The following VSIG10 variants were observed in gnomAD, a reference collection of about 807,000 sequenced individuals.
The protein encoded by VSIG10 is V-set and immunoglobulin domain containing 10.
In VSIG10, 48 loss-of-function variants were observed where a neutral mutation model predicts 58.7. The ratio of observed to expected loss-of-function variants is 0.82; its 90% CI spans 0.65 to 1.04. The LOEUF (loss-of-function observed/expected upper bound fraction) is 1.04. Ranked by LOEUF, VSIG10 falls within the 50% of genes least tolerant of loss-of-function variation. The probability of loss-of-function intolerance (pLI) is 0.00; values close to 1 mark genes in which losing one functional copy is unlikely to be tolerated. For synonymous variants in VSIG10, 260 were observed against 267.1 expected (o/e 0.97, Z 0.26); for missense variants, 628 against 670.0 (o/e 0.94, Z 0.69).
chr12:118,103,635 G>T lies in VSIG10; in HGVS notation c.37C>A (p.Leu13Ile). The T allele has an allele frequency of 6.6e-7, 1 of 1,511,754 alleles. No homozygotes were observed. The highest frequency in any genetic ancestry group is 8.8e-7 in the Non-Finnish European group (1 of 1,136,008). 93.6% of individuals were successfully genotyped at this position (1,511,754 alleles called of 1,614,324 possible). Residue 13 changes from leucine to isoleucine, a missense_variant, in exon 1 of 9, where the codon CTC becomes ATC. By Grantham distance (5) the Leu-to-Ile change is conservative (BLOSUM62 2). Transcript: ENST00000359236. ...GCCAGGAGCGCCCCGAGGCAGACGAGGACGCGGGGCTCGGGCGCACTGCCG... is the reference window on the plus strand; with the variant it reads ...GCCAGGAGCGCCCCGAGGCAGACGATGACGCGGGGCTCGGGCGCACTGCCG... ...AGGSAPEPRV[L>I]VCLGALLAGW...
intron 2 of VSIG10, among the ~76,000 whole-genome samples, chr12:118,094,475 C>A (rs936860998): frequency 5.9e-5 from 9 of 151,942 alleles, no homozygotes; most frequent in African/African-American, 2.2e-4. Flanking sequence ...CCTCCACCAC[C>A]CGGGTTTAAC....
At position 118,064,437 on chromosome 12, in the gene VSIG10, G is replaced by GTTAGGGT. The variant is rs1555269791; in HGVS notation, c.*2201_*2202insACCCTAA. The GTTAGGGT allele has an allele frequency of 6.9e-6, 1 of 144,166 alleles. No individual in the cohort carries two copies. Among genetic ancestry groups the GTTAGGGT allele is most frequent in the Non-Finnish European group, 1.5e-5 (1 of 66,184 alleles). The allele number at this position is 144,166 out of a possible 1,614,324, so 8.9% of individuals were successfully genotyped here. A position where few individuals can be genotyped will look rare whatever the true frequency, so the allele number is the denominator to read the frequency against. On this transcript the variant is annotated 3_prime_UTR_variant, in exon 9 of 9. Transcript: ENST00000359236. ...AACATTCTCTGTGTTCCTAGCTAGG[G>GTTAGGGT]TTTTTTTTTTTTTTCACCTCAACAG...
At position 118,071,387 on chromosome 12, in the gene VSIG10, C is replaced by A. The variant is rs945304787; in HGVS notation, c.1302G>T (p.Leu434Phe). The change falls in exon 6 of 9, where the codon TTG (leucine) becomes TTT (phenylalanine). Residue 434 changes from leucine to phenylalanine, a missense_variant. Leu to Phe is a conservative substitution (Grantham distance 22). Coordinates refer to ENST00000359236, the MANE Select transcript of VSIG10 (RefSeq NM_019086.6). ...LGLAIISGLL[L>F]HYSPVFCWKV... ...TCCAGCAGAACACAGGGCTATAATG[C>A]AACAGAAGCCCTGAGATAATGGCCA... The A allele has an allele frequency of 6.2e-7, 1 of 1,613,714 alleles. No homozygotes were observed. The highest frequency in any genetic ancestry group is 1.3e-5 in the African/African-American group (1 of 74,898).
chr12:118,067,155 G>T (rs2032277854), intron 8 of VSIG10, among the ~76,000 whole-genome samples: 1 of 151,952 alleles, frequency 6.6e-6, no homozygotes, highest in South Asian at 2.1e-4. Context: ...CTCCCAAGTA[G>T]CTGGGGCTAC....
chr12:118,074,636 G>A (rs7135218), intron 4 of VSIG10, among the ~76,000 whole-genome samples: 32,620 of 151,640 alleles, frequency 0.22, 3,920 homozygotes, highest in East Asian at 0.52. Context: ...GAGCCACCAC[G>A]CCCACCTAAT....
Position 118,079,428 on chromosome 12 carries a change from C to G in VSIG10, c.843G>C (p.Gln281His), listed in dbSNP as rs1224646817. Reference protein sequence around the residue: ...KLGVEMLSESQLSDGKKFKCV... With the variant: ...KLGVEMLSESHLSDGKKFKCV... ...ACTTGAACTTCTTGCCATCCGACAGCTGGGACTCGCTCAGCATTTCCACCC... is the reference window on the plus strand; with the variant it reads ...ACTTGAACTTCTTGCCATCCGACAGGTGGGACTCGCTCAGCATTTCCACCC... The change falls in exon 4 of 9, where the codon CAG (glutamine) becomes CAC (histidine). Residue 281 changes from glutamine to histidine, a missense_variant. Physicochemically the swap from Gln to His is conservative, Grantham distance 24. Transcript: ENST00000359236. 6.2e-7 allele frequency: 1 copy of G among 1,613,928 alleles called. No individual in the cohort carries two copies. The highest frequency in any genetic ancestry group is 1.3e-5 in the African/African-American group (1 of 74,926).
In VSIG10 at chr12:118,067,951, T is replaced by TA. The variant is rs202187799; in HGVS notation, c.1567+425dup. Among the ~76,000 whole-genome samples, 10 of 151,104 alleles carry TA rather than the reference T, an allele frequency of 6.6e-5. 1 individual carries two copies. In the East Asian group the frequency reaches 1.8e-3, roughly 27 times the overall value. ...AGTTTAGCTATCTTCCCCAGCCTTT[T>TA]AAAAAAACTAAACTCACCCCTTAGA... On this transcript the variant is annotated intron_variant, in intron 8 of 8. Coordinates refer to ENST00000359236, the MANE Select transcript of VSIG10 (RefSeq NM_019086.6).
chr12:118,088,368 A>C (rs2033195115), intron 2 of VSIG10, among the ~76,000 whole-genome samples: 1 of 152,188 alleles, frequency 6.6e-6, no homozygotes, highest in Admixed American at 6.6e-5. Flanking sequence ...TGAGGGCTAC[A>C]TGAGTTTATC....
intron 1 of VSIG10, 115 bp from the exon 2 acceptor site, chr12:118,095,929 T>C (rs2033440352): frequency 1.6e-6 from 2 of 1,287,674 alleles, no homozygotes; most frequent in Non-Finnish European, 2.1e-6. Context: ...TGTTCTTTTT[T>C]TTTTTTTTTT....
chr12:118,073,596 G>T, intron 5 of VSIG10, 103 bp downstream of exon 5: 1 of 1,347,400 alleles, frequency 7.4e-7, no homozygotes, highest in Non-Finnish European at 1.0e-6. Context: ...CTCCCAGTTG[G>T]CAGTGACCCA....
Position 118,065,718 on chromosome 12 carries a change from T to C in VSIG10, c.*921A>G, listed in dbSNP as rs73217917. 0.013 allele frequency: 1,911 copies of C among 152,348 alleles called. 31 individuals carry two copies. Among genetic ancestry groups the C allele is most frequent in the Middle Eastern group, 0.02 (6 of 294 alleles). The allele number at this position is 152,348 out of a possible 1,614,324, so 9.4% of individuals were successfully genotyped here. A position where few individuals can be genotyped will look rare whatever the true frequency, so the allele number is the denominator to read the frequency against. On this transcript the variant is annotated 3_prime_UTR_variant, in exon 9 of 9. Coordinates refer to ENST00000359236, the MANE Select transcript of VSIG10 (RefSeq NM_019086.6). ...GCAGGTGATCTTACAAAGATATTTTTCAATAAATGGATTATGTTTTTCAAT... is the reference window on the plus strand; with the variant it reads ...GCAGGTGATCTTACAAAGATATTTTCCAATAAATGGATTATGTTTTTCAAT...
intron 7 of VSIG10, among the ~76,000 whole-genome samples, chr12:118,069,674 G>A (rs1448940659): frequency 2.6e-5 from 4 of 151,706 alleles, no homozygotes; most frequent in South Asian, 2.1e-4. Context: ...TGATCCACCC[G>A]CCTCGGCCTC....
rs1232220363 is a variant in VSIG10 at position 118,095,563 on chromosome 12, G to A, written c.331C>T (p.Gln111Ter). ...YTCQEILNVT[Q>*]WFQVWLQVAS... The stretch of plus-strand genomic sequence containing the variant: ...ACCTGCAGCCACACTTGGAACCACT[G>A]AGTCACATTCAGGATCTCCTGGCAG... The change falls in exon 2 of 9, where the codon CAG becomes TAG. Residue 111 changes from glutamine to a stop codon, truncating the protein, a stop_gained. Coordinates refer to ENST00000359236, the MANE Select transcript of VSIG10 (RefSeq NM_019086.6). LOFTEE classifies it high-confidence loss of function. The A allele has an allele frequency of 1.2e-6, 2 of 1,613,812 alleles. No homozygotes were observed. The highest frequency in any genetic ancestry group is 1.7e-6 in the Non-Finnish European group (2 of 1,179,890).
intron 3 of VSIG10, among the ~76,000 whole-genome samples, chr12:118,080,450 G>A (rs1178468323): frequency 7.9e-5 from 12 of 151,976 alleles, no homozygotes; most frequent in Admixed American, 6.6e-4. Flanking sequence ...GTGAGCCACC[G>A]CGCTCAGCCC....
At chr12:118,071,306 C>A (rs1284357485) in intron 6 of VSIG10, 53 bp downstream of exon 6, 2 of 1,547,044 alleles carry the variant, frequency 1.3e-6, no homozygotes, top group Non-Finnish European at 1.8e-6. Flanking sequence ...TTCCCCATCC[C>A]GCACCTTTTC....
intron 1 of VSIG10, among the ~76,000 whole-genome samples, 198 bp downstream of exon 1, chr12:118,103,395 G>A (rs2033670095): frequency 6.6e-6 from 1 of 152,028 alleles, no homozygotes; most frequent in African/African-American, 2.4e-5. Flanking sequence ...ATCTCGCCCC[G>A]CACCGGGCGC....
chr12:118,094,248 G>A (rs563927539), intron 2 of VSIG10, among the ~76,000 whole-genome samples: 12 of 152,102 alleles, frequency 7.9e-5, no homozygotes, highest in African/African-American at 1.7e-4. Flanking sequence ...CCACACCACC[G>A]CACCTGGCTT....
chr12:118,071,747 G>A (rs1164946957), intron 5 of VSIG10, among the ~76,000 whole-genome samples: 2 of 152,334 alleles, frequency 1.3e-5, no homozygotes, highest in Non-Finnish European at 2.9e-5. Context: ...AAGTAAGAGT[G>A]TTGAGAGTTA....
chr12:118,074,452 T>C (rs2032630676), intron 4 of VSIG10, among the ~76,000 whole-genome samples: 1 of 151,424 alleles, frequency 6.6e-6, no homozygotes, highest in Non-Finnish European at 1.5e-5. Context: ...AGTCCAAAAA[T>C]ACTAAATGGA....
Sources: gnomAD v4.1 joint callset for allele counts (sites outside exome capture counted in the v4.1 genomes callset) on GRCh38, gnomAD v4.1.1 for gene constraint, MANE v1.5 for transcripts, NCBI Gene and HGNC (gene_info 2026-07-23, HGNC 2026-07-21) for gene names.